The following ATP8A2 variants were observed in gnomAD, a reference collection of about 807,000 sequenced individuals.
ATP8A2 encodes the protein phospholipid-transporting ATPase IB.
In ATP8A2, 100 loss-of-function variants were observed where a neutral mutation model predicts 165.6. The observed-to-expected ratio is 0.60, with a 90% CI of 0.51 to 0.71. ATP8A2 has a LOEUF of 0.71. Ranked by LOEUF, ATP8A2 falls within the 30% of genes least tolerant of loss-of-function variation. The pLI is 0.00. For missense variants in ATP8A2, 1,227 were observed against 1,479.5 expected (o/e 0.83, Z 2.80); for synonymous variants, 543 against 548.8 (o/e 0.99, Z 0.15).
intron 24 of ATP8A2, among the ~76,000 whole-genome samples, chr13:25,632,298 G>A (rs1319365047): frequency 1.3e-5 from 2 of 152,034 alleles, no homozygotes; most frequent in African/African-American, 4.8e-5. Flanking sequence ...CTGGCCATTG[G>A]TGATTCACTC....
chr13:25,726,610 T>C (rs1279781173), intron 25 of ATP8A2, among the ~76,000 whole-genome samples: 1 of 152,174 alleles, frequency 6.6e-6, no homozygotes, highest in Non-Finnish European at 1.5e-5. Flanking sequence ...GTGAAATCTC[T>C]CTCTCTCTGT....
chr13:25,597,075 A>G (rs1318243712), intron 24 of ATP8A2, among the ~76,000 whole-genome samples: 1 of 152,144 alleles, frequency 6.6e-6, no homozygotes, highest in Non-Finnish European at 1.5e-5. Flanking sequence ...GTCTCTGTCA[A>G]ACTTTTGCCC....
At chr13:25,717,802 G>A (rs1374373335) in intron 25 of ATP8A2, among the ~76,000 whole-genome samples, 1 of 152,174 alleles carries the variant, frequency 6.6e-6, no homozygotes, top group Non-Finnish European at 1.5e-5. Context: ...TATAGCTGCT[G>A]CTGGTCTTGT....
intron 24 of ATP8A2, among the ~76,000 whole-genome samples, chr13:25,605,749 A>G (rs953750796): frequency 2.6e-5 from 4 of 152,198 alleles, no homozygotes; most frequent in East Asian, 1.9e-4. Context: ...TGTAGATAAC[A>G]TTTTGTATAT....
intron 24 of ATP8A2, among the ~76,000 whole-genome samples, chr13:25,672,330 G>C (rs2042283706): frequency 6.6e-6 from 1 of 152,150 alleles, no homozygotes; most frequent in Non-Finnish European, 1.5e-5. Context: ...AAGTATCTTA[G>C]GTCTTTTGTT....
intron 33 of ATP8A2, among the ~76,000 whole-genome samples, chr13:25,886,264 A>C (rs1953149454): frequency 6.6e-6 from 1 of 152,224 alleles, no homozygotes; most frequent in South Asian, 2.1e-4. Flanking sequence ...AAAAGTTGGA[A>C]TGTCGGGGTG....
intron 2 of ATP8A2, among the ~76,000 whole-genome samples, chr13:25,507,125 T>G (rs775559943): frequency 5.9e-5 from 9 of 151,650 alleles, no homozygotes; most frequent in Non-Finnish European, 1.2e-4. Context: ...GTAAATCAGT[T>G]GGTTGGGAAT....
At chr13:25,468,851 G>C in intron 1 of ATP8A2, 126 bp from the exon 2 acceptor site, 1 of 1,434,488 alleles carries the variant, frequency 7.0e-7, no homozygotes, top group Non-Finnish European at 9.2e-7. Context: ...GTACGTAGGC[G>C]GCGTCCGCCT....
At chr13:25,483,682 T>C (rs139957703) in intron 2 of ATP8A2, among the ~76,000 whole-genome samples, 150 of 152,208 alleles carry the variant, frequency 9.9e-4, no homozygotes, top group African/African-American at 3.5e-3. Context: ...AGGAAGATTG[T>C]TTGAGGCTAG....
intron 33 of ATP8A2, among the ~76,000 whole-genome samples, chr13:25,942,477 CAG>C: frequency 6.6e-6 from 1 of 152,126 alleles, no homozygotes; most frequent in Non-Finnish European, 1.5e-5. Flanking sequence ...GGCTGGAGTG[CAG>C]TGGCATGATC....
In ATP8A2 at chr13:25,699,196, G is replaced by A. The variant is rs751377018; in HGVS notation, c.2235G>A (p.Gln745=). Residue 745 remains glutamine (Q), a synonymous_variant, in exon 25 of 37, where the codon CAG becomes CAA. Coordinates refer to ENST00000381655, the MANE Select transcript of ATP8A2 (RefSeq NM_016529.6). ...AGGCCACAAGGGCAGCCATTACTCA[G>A]CACTGCACTGACCTTGGGAATTTGC... ...SLDATRAAIT[Q]HCTDLGNLLG... is the part of the protein sequence containing the mutation. 19 of 1,609,134 alleles carry A rather than the reference G, an allele frequency of 1.2e-5. No individual in the cohort carries two copies. In the East Asian group the frequency reaches 4.2e-4, roughly 36 times the overall value.
At chr13:25,601,761 C>T (rs766290304) in intron 24 of ATP8A2, among the ~76,000 whole-genome samples, 2 of 152,218 alleles carry the variant, frequency 1.3e-5, no homozygotes, top group Admixed American at 6.5e-5. Context: ...TGAGCCACTG[C>T]GCCCGGCCAG....
chr13:25,829,273 C>CA (rs1391745530), intron 28 of ATP8A2, among the ~76,000 whole-genome samples: 2 of 152,030 alleles, frequency 1.3e-5, no homozygotes, highest in African/African-American at 4.8e-5. Flanking sequence ...TAACTTGCTG[C>CA]AAAGTCACTA....
chr13:25,405,052 C>T (rs2033756770), intron 1 of ATP8A2, among the ~76,000 whole-genome samples: 2 of 152,062 alleles, frequency 1.3e-5, no homozygotes, highest in Admixed American at 6.6e-5. Flanking sequence ...AATTTCAAGT[C>T]GAGTGTGCTC....
At chr13:25,927,031 C>T in intron 33 of ATP8A2, 1 of 424,854 alleles carries the variant, frequency 2.4e-6, no homozygotes, top group East Asian at 7.2e-5. Flanking sequence ...CTCCTTGCCA[C>T]TCTCTCCTGT....
intron 25 of ATP8A2, among the ~76,000 whole-genome samples, chr13:25,737,984 A>G (rs940078281): frequency 1.3e-5 from 2 of 152,140 alleles, no homozygotes; most frequent in Admixed American, 6.6e-5. Flanking sequence ...ACACCCAGCC[A>G]AACTATCACT....
chr13:25,731,282 AAG>A (rs932121653), intron 25 of ATP8A2, among the ~76,000 whole-genome samples: 7 of 150,234 alleles, frequency 4.7e-5, no homozygotes, highest in African/African-American at 1.5e-4. Flanking sequence ...AAGAAAAAGA[AAG>A]AAAGAGAGAG....
intron 24 of ATP8A2, among the ~76,000 whole-genome samples, chr13:25,613,973 T>C (rs2040757242): frequency 6.6e-6 from 1 of 152,236 alleles, no homozygotes; most frequent in South Asian, 2.1e-4. Context: ...TAAGATTCTT[T>C]TCTTTGTCTT....
At chr13:25,866,178 C>G (rs1028808073) in intron 33 of ATP8A2, among the ~76,000 whole-genome samples, 1 of 152,130 alleles carries the variant, frequency 6.6e-6, no homozygotes, top group Non-Finnish European at 1.5e-5. Context: ...GAGGGAATGC[C>G]ATCTTACTTG....
Sources: gnomAD v4.1 joint callset for allele counts (sites outside exome capture counted in the v4.1 genomes callset) on GRCh38, gnomAD v4.1.1 for gene constraint, MANE v1.5 for transcripts, NCBI Gene and HGNC (gene_info 2026-07-23, HGNC 2026-07-21) for gene names.